Variants in AFDN observed in about 807,000 individuals in gnomAD.
AFDN encodes afadin, adherens junction formation factor, also known as afadin.
Under a neutral mutation model 216.6 loss-of-function variants are expected in AFDN, and 68 were observed. The observed-to-expected ratio is 0.31, with a 90% CI of 0.26 to 0.38. The LOEUF (loss-of-function observed/expected upper bound fraction) is 0.38. Among genes scored for constraint, AFDN ranks in the 10% least tolerant of loss-of-function variants. The probability of loss-of-function intolerance (pLI) is 1.00; values close to 1 mark genes in which losing one functional copy is unlikely to be tolerated. For missense variants in AFDN, 2,136 were observed against 2,342.0 expected, an observed-to-expected ratio of 0.91 and a Z score of 1.82; for synonymous variants, 868 against 853.7, an observed-to-expected ratio of 1.02 and a Z score of -0.29.
chr6:167,964,819 G>A (rs1018190800), intron 31 of AFDN: 10 of 1,066,036 alleles, frequency 9.4e-6, no homozygotes, highest in East Asian at 5.0e-5. Flanking sequence ...ACATTTACTC[G>A]AGGCAGTTTA....
chr6:167,948,068 G>A (rs762826999), intron 28 of AFDN, 124 bp downstream of exon 28: 8 of 828,766 alleles, frequency 9.7e-6, no homozygotes, highest in Non-Finnish European at 1.5e-5. Flanking sequence ...TTCTAAATTT[G>A]CAGTGTTTTA....
At position 167,883,115 on chromosome 6, in the gene AFDN, AAGAG is replaced by A. The variant is rs1299146311; in HGVS notation, c.897+2605_897+2608del. On this transcript the variant is annotated intron_variant, in intron 6 of 33. Coordinates refer to ENST00000683244, the MANE Select transcript of AFDN (RefSeq NM_001386888.1). ...AGCAGAATGATGGAGTAGGCCAAGA[AAGAG>A]AGAGAGGGAGAATTCAAGAATAGAA... Among the ~76,000 whole-genome samples the A allele has an allele frequency of 1.8e-4, 27 of 152,140 alleles. 1 individual carries two copies. The highest frequency in any genetic ancestry group is 1.6e-3 in the Admixed American group (25 of 15,264).
intron 29 of AFDN, among the ~76,000 whole-genome samples, chr6:167,949,299 T>C (rs1025278375): frequency 1.3e-5 from 2 of 152,214 alleles, no homozygotes; most frequent in Admixed American, 1.3e-4. Context: ...TTCTGAAGAT[T>C]AGCATTCTTA....
At chr6:167,859,687 A>G (rs978226694) in intron 1 of AFDN, among the ~76,000 whole-genome samples, 4 of 152,218 alleles carry the variant, frequency 2.6e-5, no homozygotes, top group Admixed American at 1.3e-4. Context: ...TATTAATGAA[A>G]TACTGATATT....
intron 1 of AFDN, among the ~76,000 whole-genome samples, chr6:167,843,108 G>A (rs1282235097): frequency 1.3e-5 from 2 of 152,144 alleles, no homozygotes; most frequent in Non-Finnish European, 2.9e-5. Context: ...ACAAAGTTGG[G>A]ATTTGACTTA....
At chr6:167,875,940 A>G (rs940417758) in intron 5 of AFDN, among the ~76,000 whole-genome samples, 1 of 152,212 alleles carries the variant, frequency 6.6e-6, no homozygotes, top group African/African-American at 2.4e-5. Flanking sequence ...ACAAAACAAA[A>G]TATAACCATA....
intron 1 of AFDN, among the ~76,000 whole-genome samples, chr6:167,858,413 G>A (rs1362962371): frequency 6.6e-6 from 1 of 152,148 alleles, no homozygotes; most frequent in Non-Finnish European, 1.5e-5. Context: ...ATTTTTGTTA[G>A]AGTTCATAAA....
At chr6:167,863,787 G>A (rs1392825551) in intron 1 of AFDN, 1 of 518,654 alleles carries the variant, frequency 1.9e-6, no homozygotes, top group Non-Finnish European at 3.9e-6. Context: ...ATACCAATGT[G>A]CTTTTTCTCT....
At chr6:167,885,902 GTA>G (rs900754899) in intron 6 of AFDN, among the ~76,000 whole-genome samples, 1 of 152,170 alleles carries the variant, frequency 6.6e-6, no homozygotes, top group African/African-American at 2.4e-5. Context: ...ACAATGCTGT[GTA>G]TATGTTTACA....
intron 7 of AFDN, 151 bp from the exon 8 acceptor site, chr6:167,890,711 G>A (rs1787458766): frequency 8.6e-6 from 5 of 580,108 alleles, no homozygotes; most frequent in Non-Finnish European, 1.1e-5. Context: ...GTGAAAGTAT[G>A]AATTGGGTAA....
chr6:167,826,621 C>T (rs1187418815), upstream of AFDN: 4 of 511,038 alleles, frequency 7.8e-6, no homozygotes, highest in East Asian at 2.2e-4. Context: ...CAGCACTGCC[C>T]ATTTAGATCC....
chr6:167,969,750 C>T (rs1797892726), intron 33 of AFDN, 32 bp from the exon 34 acceptor site: 3 of 1,578,340 alleles, frequency 1.9e-6, no homozygotes, highest in Non-Finnish European at 2.6e-6. Flanking sequence ...TCTAGTTTGT[C>T]CAGTAATCTT....
chr6:167,918,058 G>C (rs1791323504), intron 20 of AFDN, among the ~76,000 whole-genome samples: 1 of 152,148 alleles, frequency 6.6e-6, no homozygotes, highest in Admixed American at 6.5e-5. Context: ...AGAAGGAGGG[G>C]ACAGTGATAG....
intron 1 of AFDN, among the ~76,000 whole-genome samples, chr6:167,834,155 G>A (rs1449275616): frequency 1.3e-5 from 2 of 151,970 alleles, no homozygotes. Flanking sequence ...ATGGTTACTT[G>A]AGTAAGTTCT....
intron 15 of AFDN, 108 bp downstream of exon 15, chr6:167,911,597 C>A: frequency 9.9e-7 from 1 of 1,008,748 alleles, no homozygotes; most frequent in Non-Finnish European, 1.5e-6. Flanking sequence ...AGATTTTTTT[C>A]TAAAATAAAA....
intron 1 of AFDN, among the ~76,000 whole-genome samples, chr6:167,854,167 CT>C (rs1782630506): frequency 6.6e-6 from 1 of 151,780 alleles, no homozygotes; most frequent in African/African-American, 2.4e-5. Flanking sequence ...TTAGTATTGT[CT>C]ATTTTAAAGT....
intron 30 of AFDN, chr6:167,954,615 G>T (rs780790468): frequency 2.9e-4 from 199 of 682,396 alleles, no homozygotes; most frequent in African/African-American, 3.7e-5. Flanking sequence ...TCCATCAGGA[G>T]ATGGAGTCCC....
intron 22 of AFDN, among the ~76,000 whole-genome samples, chr6:167,923,779 C>T (rs1792134678): frequency 6.6e-6 from 1 of 152,022 alleles, no homozygotes; most frequent in African/African-American, 2.4e-5. Context: ...CCCGCCACCA[C>T]ACTTGGCTAA....
rs1420655830 is a variant in AFDN, at chr6:167,926,728, G to A, written c.3099+1637G>A. On this transcript the variant is annotated intron_variant, in intron 23 of 33. Coordinates refer to ENST00000683244, the MANE Select transcript of AFDN (RefSeq NM_001386888.1). Reference sequence around the variant, plus strand: ...TAACAAAGCTTTTGTGTCCTACTTTGCAAGGACTTGCTGGCAGCTCACTCT... The same window carrying A: ...TAACAAAGCTTTTGTGTCCTACTTTACAAGGACTTGCTGGCAGCTCACTCT... Among the ~76,000 whole-genome samples, 3 of 152,314 alleles carry A rather than the reference G, an allele frequency of 2.0e-5. No homozygotes were observed. The East Asian group carries it at 5.8e-4, about 29-fold the overall frequency.
Sources: allele counts gnomAD v4.1 joint callset (sites outside exome capture counted in the v4.1 genomes callset), GRCh38; gene constraint gnomAD v4.1.1; transcripts MANE v1.5; gene names NCBI Gene and HGNC (gene_info 2026-07-23, HGNC 2026-07-21).